The following EYS variants were observed in gnomAD, a reference collection of about 807,000 sequenced individuals.
The protein encoded by EYS is EGF-like photoreceptor maintenance factor.
A neutral mutation model predicts 282.1 loss-of-function variants in EYS; 250 were observed. The ratio of observed to expected loss-of-function variants is 0.89; its 90% CI spans 0.80 to 0.98. EYS has a LOEUF of 0.98. EYS is among the 50% of genes least tolerant of loss of function. EYS has a pLI of 0.00. For missense variants in EYS, 4,016 were observed against 3,709.0 expected, an observed-to-expected ratio of 1.08 and a Z score of -2.15; for synonymous variants, 1,355 against 1,282.9, an observed-to-expected ratio of 1.06 and a Z score of -1.20.
intron 1 of EYS, among the ~76,000 whole-genome samples, chr6:65,675,111 A>T (rs1768533319): frequency 6.6e-6 from 1 of 151,930 alleles, no homozygotes; most frequent in Admixed American, 6.6e-5. Flanking sequence ...TCTATAAGAG[A>T]TATGCAAAAG....
intron 12 of EYS, among the ~76,000 whole-genome samples, chr6:65,251,039 GAA>G (rs61504367): frequency 0.013 from 1,174 of 88,814 alleles, 13 homozygotes; most frequent in African/African-American, 0.039. Context: ...AATAACAACA[GAA>G]AAAAAAAAAA....
In EYS at chr6:65,333,222, T is replaced by C. The variant is rs930488786; in HGVS notation, c.1766+1758A>G. Among the ~76,000 whole-genome samples the C allele has an allele frequency of 5.3e-5, 8 of 151,542 alleles. No homozygotes were observed. In the Admixed American group the frequency reaches 5.3e-4, roughly 10 times the overall value. Reference sequence around the variant, plus strand: ...GCAGCACTGCATCACCCACATCCCATGAGTTTTGGTATCCATTTTCAATAA... The same window carrying C: ...GCAGCACTGCATCACCCACATCCCACGAGTTTTGGTATCCATTTTCAATAA... On this transcript the variant is annotated intron_variant, in intron 11 of 42. Transcript: ENST00000503581.
chr6:63,930,437 T>A lies in EYS; in HGVS notation c.7055+53946A>T, dbSNP rs552734813. Among the ~76,000 whole-genome samples the A allele has an allele frequency of 1.4e-4, 22 of 152,184 alleles. 1 individual carries two copies. In the South Asian group the frequency reaches 1.9e-3, roughly 13 times the overall value. On this transcript the variant is annotated intron_variant, in intron 35 of 42. Transcript: ENST00000503581. ...ATAGCATCATTATTATTTAAATGCA[T>A]CCTGCATAGATTAGTAGTGTGCTAT... is the stretch of plus-strand genomic sequence containing the variant.
intron 12 of EYS, among the ~76,000 whole-genome samples, chr6:65,219,411 T>C (rs562117297): frequency 6.6e-6 from 1 of 151,804 alleles, no homozygotes; most frequent in Admixed American, 6.5e-5. Context: ...TAAAATATAG[T>C]AGAGTGTTTG....
chr6:64,647,933 G>A (rs544451627), intron 22 of EYS, among the ~76,000 whole-genome samples: 5 of 152,172 alleles, frequency 3.3e-5, no homozygotes, highest in Admixed American at 6.5e-5. Context: ...ACATGCTTCC[G>A]TAAGAAAAAA....
intron 12 of EYS, among the ~76,000 whole-genome samples, chr6:65,223,099 T>C (rs930166385): frequency 1.3e-5 from 2 of 152,090 alleles, no homozygotes; most frequent in African/African-American, 2.4e-5. Context: ...TCAACTGTTT[T>C]AAAGCTCTGG....
chr6:65,653,013 C>A (rs1234731376), intron 1 of EYS, among the ~76,000 whole-genome samples: 1 of 151,850 alleles, frequency 6.6e-6, no homozygotes, highest in African/African-American at 2.4e-5. Flanking sequence ...GAGGTTCAAC[C>A]TAAGCCAGAA....
At chr6:64,590,109 C>T (rs569757665) in intron 26 of EYS, 114 bp downstream of exon 26, 8 of 872,682 alleles carry the variant, frequency 9.2e-6, no homozygotes, top group Non-Finnish European at 1.4e-5. Context: ...CTGGCTGCTG[C>T]CCTGATTACA....
At chr6:64,547,408 A>G (rs1160431540) in intron 26 of EYS, among the ~76,000 whole-genome samples, 4 of 152,146 alleles carry the variant, frequency 2.6e-5, no homozygotes, top group Admixed American at 2.6e-4. Flanking sequence ...TAGACACAAA[A>G]GTTATCCACC....
At chr6:64,777,462 A>G (rs1015409915) in intron 22 of EYS, among the ~76,000 whole-genome samples, 1 of 152,128 alleles carries the variant, frequency 6.6e-6, no homozygotes, top group Non-Finnish European at 1.5e-5. Flanking sequence ...AAGGCTCTGC[A>G]CCTATTTTTC....
intron 31 of EYS, among the ~76,000 whole-genome samples, chr6:64,190,167 C>T (rs756912180): frequency 2.0e-5 from 3 of 152,110 alleles, no homozygotes; most frequent in Non-Finnish European, 2.9e-5. Context: ...TGAGTGAGCA[C>T]GCTAGAGAAC....
intron 36 of EYS, chr6:63,857,539 T>C: frequency 3.7e-6 from 1 of 269,162 alleles, no homozygotes; most frequent in Non-Finnish European, 7.6e-6. Context: ...ACGCAATTGC[T>C]AGCTCTGTCA....
intron 14 of EYS, among the ~76,000 whole-genome samples, chr6:64,979,594 G>T (rs2150115693): frequency 6.6e-6 from 1 of 151,734 alleles, no homozygotes; most frequent in East Asian, 1.9e-4. Flanking sequence ...AATGAGGAGA[G>T]AAAGCAAAGA....
At chr6:64,447,703 C>G (rs532423958) in intron 26 of EYS, among the ~76,000 whole-genome samples, 3 of 152,250 alleles carry the variant, frequency 2.0e-5, no homozygotes, top group East Asian at 3.9e-4. Context: ...TTTGCAGAGA[C>G]TCCTCAATGT....
intron 9 of EYS, among the ~76,000 whole-genome samples, chr6:65,350,383 A>G (rs1384585444): frequency 6.6e-6 from 1 of 151,564 alleles, no homozygotes; most frequent in African/African-American, 2.4e-5. Context: ...TTCTACCAGA[A>G]GATCCATTAC....
chr6:64,658,041 G>A (rs1407311933), intron 22 of EYS, among the ~76,000 whole-genome samples: 1 of 152,082 alleles, frequency 6.6e-6, no homozygotes, highest in Non-Finnish European at 1.5e-5. Flanking sequence ...TTTCTGGGAG[G>A]CTTTGTTCAC....
chr6:65,455,728 A>G (rs151013505), intron 5 of EYS, among the ~76,000 whole-genome samples: 38 of 152,228 alleles, frequency 2.5e-4, no homozygotes, highest in African/African-American at 6.5e-4. Context: ...GAACAGAACA[A>G]AAATTAGTAA....
intron 26 of EYS, among the ~76,000 whole-genome samples, chr6:64,468,837 A>AT (rs963005832): frequency 6.6e-6 from 1 of 152,000 alleles, no homozygotes; most frequent in African/African-American, 2.4e-5. Flanking sequence ...ACATTACCTC[A>AT]TTTTTTCATG....
chr6:63,947,940 T>C (rs946326472), intron 35 of EYS, among the ~76,000 whole-genome samples: 4 of 152,180 alleles, frequency 2.6e-5, no homozygotes, highest in African/African-American at 9.7e-5. Flanking sequence ...TAATAAGTCT[T>C]AGGAAGAAAG....
Sources: allele counts gnomAD v4.1 joint callset (sites outside exome capture counted in the v4.1 genomes callset), GRCh38; gene constraint gnomAD v4.1.1; transcripts MANE v1.5; gene names NCBI Gene and HGNC (gene_info 2026-07-23, HGNC 2026-07-21).